The following GRM3 variants were observed in gnomAD, a reference collection of about 807,000 sequenced individuals.
GRM3 encodes the protein metabotropic glutamate receptor 3.
In GRM3, 26 loss-of-function variants were observed where a neutral mutation model predicts 70.5. That is an observed-to-expected ratio of 0.37 (90% CI 0.27 to 0.51). The LOEUF (loss-of-function observed/expected upper bound fraction) is 0.51. Ranked by LOEUF, GRM3 falls within the 20% of genes least tolerant of loss-of-function variation. The pLI, the probability that GRM3 is intolerant of heterozygous loss-of-function variation, is 0.93. For synonymous variants in GRM3, 443 were observed against 434.9 expected, an observed-to-expected ratio of 1.02 and a Z score of -0.23; for missense variants, 859 against 1,123.8, an observed-to-expected ratio of 0.76 and a Z score of 3.37.
intron 2 of GRM3, among the ~76,000 whole-genome samples, chr7:86,773,222 G>A (rs898191718): frequency 2.0e-5 from 3 of 151,816 alleles, no homozygotes; most frequent in Non-Finnish European, 4.4e-5. Flanking sequence ...CTAGTAATAT[G>A]GGGATATTAG....
At chr7:86,768,599 G>C (rs1156661343) in intron 2 of GRM3, among the ~76,000 whole-genome samples, 1 of 152,182 alleles carries the variant, frequency 6.6e-6, no homozygotes, top group Admixed American at 6.6e-5. Flanking sequence ...AATGAAAGTT[G>C]CATTGGAGAA....
At chr7:86,652,338 G>A (rs1221425191) in intron 1 of GRM3, among the ~76,000 whole-genome samples, 1 of 151,900 alleles carries the variant, frequency 6.6e-6, no homozygotes, top group East Asian at 1.9e-4. Context: ...TGTTGTTGTT[G>A]TTCTTTTTTT....
intron 1 of GRM3, among the ~76,000 whole-genome samples, chr7:86,742,631 T>C (rs1419862818): frequency 1.3e-5 from 2 of 152,054 alleles, no homozygotes; most frequent in African/African-American, 4.8e-5. Context: ...AACCTGAAAG[T>C]CGGGTGGAAG....
chr7:86,824,458 T>C (rs1365208779), intron 3 of GRM3, among the ~76,000 whole-genome samples: 1 of 152,220 alleles, frequency 6.6e-6, no homozygotes, highest in Non-Finnish European at 1.5e-5. Flanking sequence ...ATGATATCTT[T>C]TAATATGACT....
chr7:86,781,862 T>C (rs1326457193), intron 2 of GRM3, among the ~76,000 whole-genome samples: 1 of 152,132 alleles, frequency 6.6e-6, no homozygotes, highest in African/African-American at 2.4e-5. Flanking sequence ...CAAGCTGCTG[T>C]CTTTGAGTAC....
intron 4 of GRM3, among the ~76,000 whole-genome samples, chr7:86,841,726 A>T (rs1019762886): frequency 6.6e-6 from 1 of 152,196 alleles, no homozygotes; most frequent in African/African-American, 2.4e-5. Flanking sequence ...CATAAATAAC[A>T]TTATAAAAAT....
At chr7:86,675,318 T>C (rs555611671) in intron 1 of GRM3, among the ~76,000 whole-genome samples, 7 of 152,068 alleles carry the variant, frequency 4.6e-5, no homozygotes, top group Non-Finnish European at 1.0e-4. Context: ...AGGTCAGAAG[T>C]GATAAGCTAT....
At chr7:86,728,079 C>A (rs1460806730) in intron 1 of GRM3, among the ~76,000 whole-genome samples, 1 of 151,992 alleles carries the variant, frequency 6.6e-6, no homozygotes, top group South Asian at 2.1e-4. Flanking sequence ...TCAAAAAAGA[C>A]CATTTTTTTC....
At chr7:86,661,719 T>TA (rs1446757716) in intron 1 of GRM3, among the ~76,000 whole-genome samples, 1 of 151,900 alleles carries the variant, frequency 6.6e-6, no homozygotes, top group East Asian at 1.9e-4. Flanking sequence ...TTTTACAGAA[T>TA]AAAAAACATT....
At chr7:86,760,746 C>G (rs1796458873) in intron 1 of GRM3, among the ~76,000 whole-genome samples, 1 of 151,524 alleles carries the variant, frequency 6.6e-6, no homozygotes, top group Admixed American at 6.6e-5. Flanking sequence ...ATAAGTTCTG[C>G]TATAAAGAAA....
intron 1 of GRM3, among the ~76,000 whole-genome samples, chr7:86,715,510 C>G (rs1482411306): frequency 6.6e-6 from 1 of 151,982 alleles, no homozygotes; most frequent in African/African-American, 2.4e-5. Context: ...CTTTTACTAT[C>G]ATTACAAGTC....
intron 1 of GRM3, among the ~76,000 whole-genome samples, chr7:86,653,180 G>C (rs932522733): frequency 1.3e-5 from 2 of 152,092 alleles, no homozygotes; most frequent in Admixed American, 6.5e-5. Flanking sequence ...GAGGTGCTCT[G>C]GGCTCTCCTC....
At chr7:86,784,760 G>C (rs1207602596) in intron 2 of GRM3, 1 of 152,244 alleles carries the variant, frequency 6.6e-6, no homozygotes, top group Non-Finnish European at 1.5e-5. Flanking sequence ...AGAAAGATTT[G>C]GGGTTTTAAT....
intron 1 of GRM3, among the ~76,000 whole-genome samples, chr7:86,746,525 T>C (rs2116341888): frequency 6.6e-6 from 1 of 150,820 alleles, no homozygotes; most frequent in Non-Finnish European, 1.5e-5. Context: ...GCCTTAGGGA[T>C]CATTCAGCTC....
Position 86,786,110 on chromosome 7 carries a change from G to A in GRM3, c.469-151G>A. 1 of 695,374 alleles carries A rather than the reference G, an allele frequency of 1.4e-6. No individual in the cohort carries two copies. Among genetic ancestry groups the A allele is most frequent in the Non-Finnish European group, 2.5e-6 (1 of 399,614 alleles). 43.1% of individuals were successfully genotyped at this position (695,374 alleles called of 1,614,324 possible). ...AAATACAGTATCCAAGGAAGCATCTGGTATTCATCTCAAGAACTAACAGAA... is the reference window on the plus strand; with the variant it reads ...AAATACAGTATCCAAGGAAGCATCTAGTATTCATCTCAAGAACTAACAGAA... On this transcript the variant is annotated intron_variant, in intron 2 of 5. Coordinates refer to ENST00000361669, the MANE Select transcript of GRM3 (RefSeq NM_000840.3). This position sits in a 1 kb window ranked among gnomAD's most constrained non-coding sequence, Gnocchi z 6.0.
chr7:86,719,693 T>C (rs1478602754), intron 1 of GRM3, among the ~76,000 whole-genome samples: 8 of 151,904 alleles, frequency 5.3e-5, no homozygotes, highest in Non-Finnish European at 1.5e-5. Context: ...CAAAGACAAA[T>C]ACTGAGCAAC....
At chr7:86,858,553 G>T (rs554158325) in intron 5 of GRM3, among the ~76,000 whole-genome samples, 1 of 152,210 alleles carries the variant, frequency 6.6e-6, no homozygotes, top group South Asian at 2.1e-4. Flanking sequence ...CAGCAGGAAG[G>T]CCCTCACCAG....
At chr7:86,847,864 G>T (rs1162273728) in intron 4 of GRM3, among the ~76,000 whole-genome samples, 1 of 152,140 alleles carries the variant, frequency 6.6e-6, no homozygotes, top group East Asian at 1.9e-4. Flanking sequence ...TGATATTTGG[G>T]CTTTGTAATA....
intron 1 of GRM3, among the ~76,000 whole-genome samples, chr7:86,656,260 C>CTTTTTTTTTTTTTT (rs1165969016): frequency 1.2e-5 from 1 of 83,276 alleles, no homozygotes; most frequent in Admixed American, 1.8e-4. Context: ...ATACTATGTT[C>CTTTTTTTTTTTTTT]TTTTTTTTTT....
Sources: allele counts gnomAD v4.1 joint callset (sites outside exome capture counted in the v4.1 genomes callset), GRCh38; gene constraint gnomAD v4.1.1; non-coding constraint Gnocchi (gnomAD v3.1); transcripts MANE v1.5; gene names NCBI Gene and HGNC (gene_info 2026-07-23, HGNC 2026-07-21).